The following ENKUR variants were observed in gnomAD, a reference collection of about 807,000 sequenced individuals.
ENKUR encodes the protein enkurin, TRPC channel interacting protein.
ENKUR carries 19 observed loss-of-function variants against 27.6 expected under a neutral mutation model. The observed-to-expected ratio is 0.69, with a 90% CI of 0.48 to 1.01. ENKUR has a LOEUF of 1.01. ENKUR is among the 50% of genes least tolerant of loss of function. The pLI, the probability that ENKUR is intolerant of heterozygous loss-of-function variation, is 0.00. For synonymous variants in ENKUR, 117 were observed against 96.9 expected (o/e 1.21, Z -1.22); for missense variants, 312 against 310.5 (o/e 1.00, Z -0.04).
upstream of ENKUR, among the ~76,000 whole-genome samples, chr10:25,021,017 A>G (rs1850708350): frequency 6.6e-6 from 1 of 152,200 alleles, no homozygotes; most frequent in African/African-American, 2.4e-5. Context: ...TCCCTGGTTT[A>G]CTTCAGGGAA....
At chr10:25,033,546 T>A (rs1850960799) in intron 2 of ENKUR, among the ~76,000 whole-genome samples, 1 of 152,140 alleles carries the variant, frequency 6.6e-6, no homozygotes. Flanking sequence ...TGCGTAACCC[T>A]TTCTTCCCAA....
intron 2 of ENKUR, among the ~76,000 whole-genome samples, chr10:25,054,069 A>G (rs189778343): frequency 6.6e-6 from 1 of 152,310 alleles, no homozygotes; most frequent in African/African-American, 2.4e-5. Context: ...ACTTTTCCTG[A>G]CTGCAAACGT....
At chr10:25,021,258 C>T (rs754547883) in intron 2 of ENKUR, among the ~76,000 whole-genome samples, 4 of 152,100 alleles carry the variant, frequency 2.6e-5, no homozygotes, top group Non-Finnish European at 5.9e-5. Context: ...ATTATAGACA[C>T]TTATATAGCT....
chr10:25,053,936 C>G (rs1017187745), intron 2 of ENKUR, among the ~76,000 whole-genome samples: 3 of 152,224 alleles, frequency 2.0e-5, no homozygotes, highest in African/African-American at 7.2e-5. Context: ...CCTTCTCAAT[C>G]TCAGCCGCTT....
chr10:25,002,211 T>C (rs1450433197), intron 1 of ENKUR, among the ~76,000 whole-genome samples: 1 of 152,210 alleles, frequency 6.6e-6, no homozygotes, highest in Admixed American at 6.5e-5. Context: ...ACACGAACTT[T>C]ACCTGGCACT....
At chr10:25,049,035 A>G (rs2130482871) in intron 2 of ENKUR, among the ~76,000 whole-genome samples, 1 of 152,250 alleles carries the variant, frequency 6.6e-6, no homozygotes. Flanking sequence ...TGAAGTCGTG[A>G]TGCCTTTATT....
chr10:25,048,658 A>G (rs1851148224), intron 2 of ENKUR, among the ~76,000 whole-genome samples: 1 of 152,066 alleles, frequency 6.6e-6, no homozygotes, highest in African/African-American at 2.4e-5. Context: ...GATGCAGTCC[A>G]TGAGCCAAGG....
chr10:25,003,912 G>A (rs1164809314), intron 1 of ENKUR, among the ~76,000 whole-genome samples: 1 of 152,148 alleles, frequency 6.6e-6, no homozygotes, highest in African/African-American at 2.4e-5. Flanking sequence ...CACTTTAAGT[G>A]AGAATTTAGC....
In ENKUR at chr10:25,025,357, A is replaced by G. The variant is rs1418115505; in HGVS notation, c.38-29488T>C. On this transcript the variant is annotated intron_variant, in intron 2 of 5. Transcript: ENST00000615958. ...ACTGCATGAGGCTTTATTAGAGAGA[A>G]CAAAACAGCAAGAGAAGATGGAGTA... The G allele has an allele frequency of 3.1e-6, 5 of 1,614,104 alleles. No individual in the cohort carries two copies. In the African/African-American group the frequency reaches 6.7e-5, roughly 22 times the overall value.
At chr10:25,040,164 A>G (rs1851047274) in intron 2 of ENKUR, among the ~76,000 whole-genome samples, 1 of 151,976 alleles carries the variant, frequency 6.6e-6, no homozygotes, top group African/African-American at 2.4e-5. Context: ...TGCTTAAGGT[A>G]TAGGCTCAAA....
At chr10:24,985,541 A>G (rs1368027516) in intron 4 of ENKUR, among the ~76,000 whole-genome samples, 2 of 152,252 alleles carry the variant, frequency 1.3e-5, no homozygotes, top group African/African-American at 4.8e-5. Flanking sequence ...AGGTCATTAA[A>G]TGTAACACAC....
At chr10:25,048,707 G>T (rs1851148986) in intron 2 of ENKUR, among the ~76,000 whole-genome samples, 1 of 152,094 alleles carries the variant, frequency 6.6e-6, no homozygotes, top group Non-Finnish European at 1.5e-5. Flanking sequence ...TTATGACTTT[G>T]CAAAGGGTGT....
intron 3 of ENKUR, among the ~76,000 whole-genome samples, chr10:24,994,031 A>C (rs574697093): frequency 6.6e-6 from 1 of 152,252 alleles, no homozygotes; most frequent in African/African-American, 2.4e-5. Flanking sequence ...TACCTGGAGA[A>C]GCCTGAAGTA....
intron 1 of ENKUR, among the ~76,000 whole-genome samples, chr10:25,012,895 T>C (rs1198751960): frequency 4.6e-5 from 7 of 152,182 alleles, no homozygotes; most frequent in African/African-American, 1.7e-4. Context: ...TGATATGGTT[T>C]GGCTGCATCC....
intron 1 of ENKUR, 33 bp downstream of exon 1, chr10:25,015,827 G>A (rs749508420): frequency 6.4e-7 from 1 of 1,565,980 alleles, no homozygotes; most frequent in Non-Finnish European, 8.6e-7. Flanking sequence ...CCCCATTCTT[G>A]TTTCAAGTGA....
At chr10:25,055,413 T>C (rs1443182005) in intron 2 of ENKUR, among the ~76,000 whole-genome samples, 3 of 152,064 alleles carry the variant, frequency 2.0e-5, no homozygotes, top group Non-Finnish European at 4.4e-5. Flanking sequence ...ATTCTGGGCA[T>C]AGGCATAGCC....
chr10:25,024,336 T>G lies in ENKUR; in HGVS notation c.38-28467A>C, dbSNP rs777084674. On this transcript the variant is annotated intron_variant, in intron 2 of 5. Coordinates refer to the ENKUR transcript ENST00000615958. ...CACACTGTATCCCACCAAGTTGCAA[T>G]TATATGATACTTGTAGCTACTTCAG... The G allele has an allele frequency of 7.4e-6, 12 of 1,614,070 alleles. No homozygotes were observed. The South Asian group carries it at 1.3e-4, about 18-fold the overall frequency.
chr10:25,049,169 T>G (rs1202916979), intron 2 of ENKUR, among the ~76,000 whole-genome samples: 1 of 152,168 alleles, frequency 6.6e-6, no homozygotes, highest in Non-Finnish European at 1.5e-5. Flanking sequence ...TTGGGAGGGT[T>G]AACTGTAAAT....
At chr10:25,061,553 G>A (rs1851328378) in intron 1 of ENKUR, among the ~76,000 whole-genome samples, 1 of 152,192 alleles carries the variant, frequency 6.6e-6, no homozygotes, top group Non-Finnish European at 1.5e-5. Flanking sequence ...CTTTTCCTTT[G>A]AGCAGGATAA....
Sources: allele counts gnomAD v4.1 joint callset (sites outside exome capture counted in the v4.1 genomes callset), GRCh38; gene constraint gnomAD v4.1.1; transcripts MANE v1.5; gene names NCBI Gene and HGNC (gene_info 2026-07-23, HGNC 2026-07-21).